PNPT1: variants seen among roughly 807,000 people sequenced by gnomAD.
The protein encoded by PNPT1 is polyribonucleotide nucleotidyltransferase 1, also known as polyribonucleotide nucleotidyltransferase 1, mitochondrial.
A neutral mutation model predicts 119.5 loss-of-function variants in PNPT1; 53 were observed. The ratio of observed to expected loss-of-function variants is 0.44; its 90% CI spans 0.36 to 0.56. PNPT1 has a LOEUF of 0.56. Ranked by LOEUF, PNPT1 falls within the 20% of genes least tolerant of loss-of-function variation. PNPT1 has a pLI of 0.00. For synonymous variants in PNPT1, 357 were observed against 322.1 expected, an observed-to-expected ratio of 1.11 and a Z score of -1.16; for missense variants, 948 against 938.5, an observed-to-expected ratio of 1.01 and a Z score of -0.13.
chr2:55,692,841 A>T (rs528921461), intron 1 of PNPT1, among the ~76,000 whole-genome samples: 3 of 152,124 alleles, frequency 2.0e-5, no homozygotes, highest in African/African-American at 7.2e-5. Flanking sequence ...ACTTCAAGTC[A>T]TCCTTCCGTC....
intron 1 of PNPT1, among the ~76,000 whole-genome samples, chr2:55,690,434 C>G (rs1231701780): frequency 6.6e-6 from 1 of 152,182 alleles, no homozygotes; most frequent in Non-Finnish European, 1.5e-5. Context: ...ACAAACCAAA[C>G]ACAAGCATGT....
chr2:55,670,719 A>C (rs1257741651), intron 11 of PNPT1, among the ~76,000 whole-genome samples: 2 of 152,176 alleles, frequency 1.3e-5, no homozygotes, highest in Non-Finnish European at 2.9e-5. Context: ...ATTTTAAAGA[A>C]TATATTTGGG....
At chr2:55,669,947 T>C (rs537563508) in intron 11 of PNPT1, among the ~76,000 whole-genome samples, 9 of 151,636 alleles carry the variant, frequency 5.9e-5, no homozygotes, top group Non-Finnish European at 8.8e-5. Context: ...TTGGTAGAGA[T>C]GGGGTTTCAC....
intron 8 of PNPT1, among the ~76,000 whole-genome samples, chr2:55,677,575 C>T (rs1242295025): frequency 9.5e-6 from 1 of 104,824 alleles, no homozygotes; most frequent in African/African-American, 3.9e-5. Flanking sequence ...CCACCCTGGG[C>T]AACAGAGCGA....
In PNPT1 at chr2:55,660,186, T is replaced by C; in HGVS notation, c.1255A>G (p.Lys419Glu). The C allele has an allele frequency of 6.3e-7, 1 of 1,590,500 alleles. No homozygotes were observed. The highest frequency in any genetic ancestry group is 8.6e-7 in the Non-Finnish European group (1 of 1,169,146). The change falls in exon 15 of 28, where the codon AAA (lysine) becomes GAA (glutamate). Residue 419 changes from lysine to glutamate, a missense_variant. Transcript: ENST00000447944. ...DQVITAINGI[K>E]DKNFMLHYEF... Reference sequence around the variant, plus strand: ...TAGTGCAGCATGAAATTTTTATCTTTTATCCCACTAAAAATAAAAGGCATA... The same window carrying C: ...TAGTGCAGCATGAAATTTTTATCTTCTATCCCACTAAAAATAAAAGGCATA...
At chr2:55,672,157 A>G (rs184613507) in intron 9 of PNPT1, 111 bp from the exon 10 acceptor site, 13 of 767,310 alleles carry the variant, frequency 1.7e-5, no homozygotes, top group Admixed American at 2.8e-5. Flanking sequence ...ACTTTAATAA[A>G]TACTTCAGAA....
At chr2:55,655,909 T>A (rs1283728221) in intron 17 of PNPT1, among the ~76,000 whole-genome samples, 1 of 152,200 alleles carries the variant, frequency 6.6e-6, no homozygotes, top group East Asian at 1.9e-4. Flanking sequence ...GGATCTACTA[T>A]AACAGATAAA....
chr2:55,655,252 A>G (rs1300911842), intron 17 of PNPT1, among the ~76,000 whole-genome samples: 3 of 152,116 alleles, frequency 2.0e-5, no homozygotes. Flanking sequence ...GTTTTATTTT[A>G]CTATTATTTT....
intron 5 of PNPT1, among the ~76,000 whole-genome samples, chr2:55,683,116 A>C (rs1572833373): frequency 2.0e-5 from 3 of 152,348 alleles, no homozygotes; most frequent in African/African-American, 4.8e-5. Context: ...ATTAGGTAAT[A>C]AAAATTAGTT....
chr2:55,636,617 G>A (rs943131193), intron 27 of PNPT1, among the ~76,000 whole-genome samples: 3 of 152,160 alleles, frequency 2.0e-5, no homozygotes, highest in African/African-American at 4.8e-5. Context: ...ATAATCTGCC[G>A]CTGAACTCAT....
chr2:55,667,258 C>A lies in PNPT1; in HGVS notation c.1074-165G>T, dbSNP rs189022612. Among the ~76,000 whole-genome samples, 56 of 152,200 alleles carry A rather than the reference C, an allele frequency of 3.7e-4. No homozygotes were observed. In the East Asian group the frequency reaches 0.01, roughly 28 times the overall value. On this transcript the variant is annotated intron_variant, in intron 12 of 27. Transcript: ENST00000447944. ...AGCACTATCCTGAATATCACTGAAT[C>A]AGAATGTCTGAAGTTGAACCTATAT...
chr2:55,654,659 C>A (rs1696327083), intron 18 of PNPT1, among the ~76,000 whole-genome samples: 1 of 152,194 alleles, frequency 6.6e-6, no homozygotes, highest in South Asian at 2.1e-4. Flanking sequence ...CATCTGTAAT[C>A]TGACTTTGAG....
At chr2:55,661,004 C>G (rs1696551794) in intron 14 of PNPT1, among the ~76,000 whole-genome samples, 1 of 151,942 alleles carries the variant, frequency 6.6e-6, no homozygotes, top group African/African-American at 2.4e-5. Flanking sequence ...CAGGAAGTAG[C>G]CCTACTAGGC....
Position 55,659,878 on chromosome 2 carries a change from C to A in PNPT1, c.1284+279G>T, listed in dbSNP as rs113144142. 1.1e-3 allele frequency among the ~76,000 whole-genome samples: 168 copies of A among 152,160 alleles called. 2 individuals carry two copies. Among genetic ancestry groups the A allele is most frequent in the African/African-American group, 3.8e-3 (158 of 41,526 alleles). Reference sequence around the variant, plus strand: ...TAAAGTTCTTTCAACTTTACTGTATCCTGGAAGTTTTTAAAAATAAAATGT... The same window carrying A: ...TAAAGTTCTTTCAACTTTACTGTATACTGGAAGTTTTTAAAAATAAAATGT... On this transcript the variant is annotated intron_variant, in intron 15 of 27. Transcript: ENST00000447944.
chr2:55,646,863 C>G, intron 19 of PNPT1, among the ~76,000 whole-genome samples: 1 of 152,196 alleles, frequency 6.6e-6, no homozygotes, highest in Middle Eastern at 3.4e-3. Context: ...TTTTGAGACA[C>G]AGTCTTGCTC....
chr2:55,636,225 T>TTA lies in PNPT1; in HGVS notation c.*11_*12insTA. The TTA allele has an allele frequency of 7.3e-7, 1 of 1,364,814 alleles. No individual in the cohort carries two copies. Among genetic ancestry groups the TTA allele is most frequent in the Non-Finnish European group, 1.0e-6 (1 of 998,606 alleles). 84.5% of individuals were successfully genotyped at this position (1,364,814 alleles called of 1,614,324 possible). A position where few individuals can be genotyped will look rare whatever the true frequency, so the allele number is the denominator to read the frequency against. ...CAAAATAGAATTCTAGAATTCTCTT[T>TTA]AAAAAAAAAAATCACTGAGAATTAG... On this transcript the variant is annotated 3_prime_UTR_variant, in exon 28 of 28. Coordinates refer to ENST00000447944, the MANE Select transcript of PNPT1 (RefSeq NM_033109.5).
intron 25 of PNPT1, among the ~76,000 whole-genome samples, chr2:55,642,110 G>A (rs1389340534): frequency 1.3e-5 from 2 of 151,846 alleles, no homozygotes; most frequent in East Asian, 1.9e-4. Flanking sequence ...AAAGAGCTGG[G>A]ATTACAGGCG....
chr2:55,673,834 G>A (rs890514105), intron 8 of PNPT1, among the ~76,000 whole-genome samples: 5 of 152,128 alleles, frequency 3.3e-5, no homozygotes, highest in African/African-American at 1.2e-4. Context: ...TGATCTGCCT[G>A]CCTTGGCCTT....
intron 26 of PNPT1, among the ~76,000 whole-genome samples, chr2:55,637,995 G>C (rs376115226): frequency 7.4e-6 from 1 of 134,342 alleles, no homozygotes; most frequent in Non-Finnish European, 1.6e-5. Flanking sequence ...GAGAGAATCC[G>C]TCTCAAAAAA....
Sources: allele counts gnomAD v4.1 joint callset (sites outside exome capture counted in the v4.1 genomes callset), GRCh38; gene constraint gnomAD v4.1.1; transcripts MANE v1.5; gene names NCBI Gene and HGNC (gene_info 2026-07-23, HGNC 2026-07-21).